Variants in PLXNA4 observed in about 807,000 individuals in gnomAD.
The protein encoded by PLXNA4 is plexin-A4.
In PLXNA4, 44 loss-of-function variants were observed where a neutral mutation model predicts 191.8. The observed-to-expected ratio is 0.23, with a 90% CI of 0.18 to 0.29. PLXNA4 has a LOEUF of 0.29. Ranked by LOEUF, PLXNA4 falls within the 10% of genes least tolerant of loss-of-function variation. The probability of loss-of-function intolerance (pLI) is 1.00; values close to 1 mark genes in which losing one functional copy is unlikely to be tolerated. For synonymous variants in PLXNA4, 1,082 were observed against 1,009.5 expected, an observed-to-expected ratio of 1.07 and a Z score of -1.36; for missense variants, 1,800 against 2,488.8, an observed-to-expected ratio of 0.72 and a Z score of 5.89.
Position 132,185,282 on chromosome 7 carries a change from C to T in PLXNA4, c.3158+17G>A, listed in dbSNP as rs377421494. 6 of 1,603,740 alleles carry T rather than the reference C, an allele frequency of 3.7e-6. No homozygotes were observed. Among genetic ancestry groups the T allele is most frequent in the Non-Finnish European group, 1.7e-6 (2 of 1,174,916 alleles). ...AGAGGTGCAGAAGCATTAAGGTCCGCTTGGGCCAGCTCCTACCTGACAATG... is the reference window on the plus strand; with the variant it reads ...AGAGGTGCAGAAGCATTAAGGTCCGTTTGGGCCAGCTCCTACCTGACAATG... On this transcript the variant is annotated intron_variant, in intron 16 of 31. Coordinates refer to ENST00000321063, the MANE Select transcript of PLXNA4 (RefSeq NM_020911.2).
intron 2 of PLXNA4, 47 bp downstream of exon 2, chr7:132,507,459 A>T (rs1798511665): frequency 1.3e-6 from 2 of 1,551,824 alleles, no homozygotes; most frequent in African/African-American, 1.4e-5. Context: ...TGGGGTTCTC[A>T]TCCTACACTC....
chr7:132,599,692 T>C (rs562476885), intron 2 of PLXNA4, among the ~76,000 whole-genome samples: 1 of 152,254 alleles, frequency 6.6e-6, no homozygotes, highest in African/African-American at 2.4e-5. Flanking sequence ...CCCTTTTTTT[T>C]TTCTTTTTTT....
chr7:132,289,049 T>C (rs79568954), intron 4 of PLXNA4, among the ~76,000 whole-genome samples: 2,145 of 152,322 alleles, frequency 0.014, 52 homozygotes, highest in African/African-American at 0.048. Flanking sequence ...TAGACCATGA[T>C]ACTACCTCCC....
At chr7:132,558,288 G>A (rs947336797) in intron 1 of PLXNA4, among the ~76,000 whole-genome samples, 3 of 152,156 alleles carry the variant, frequency 2.0e-5, no homozygotes. Flanking sequence ...AAAACAGTAT[G>A]TGCTGGAGAA....
At chr7:132,632,235 C>CAAAAAAAAAAAAAAAAAAAAAAAAAA (rs398006359) in intron 2 of PLXNA4, among the ~76,000 whole-genome samples, 1 of 78,662 alleles carries the variant, frequency 1.3e-5, no homozygotes. Context: ...GACTCCATCT[C>CAAAAAAAAAAAAAAAAAAAAAAAAAA]AAAAAAAAAA....
intron 3 of PLXNA4, among the ~76,000 whole-genome samples, chr7:132,325,250 A>T (rs1389635849): frequency 3.3e-5 from 5 of 152,182 alleles, no homozygotes; most frequent in Non-Finnish European, 7.3e-5. Context: ...GCCTCAGAGC[A>T]TTGAAGAAGC....
chr7:132,486,437 GC>G (rs1585207144), intron 3 of PLXNA4, among the ~76,000 whole-genome samples: 1 of 152,220 alleles, frequency 6.6e-6, no homozygotes, highest in East Asian at 1.9e-4. Flanking sequence ...AACAGACTCG[GC>G]AGCCCAGCCT....
rs138350826 is a variant in PLXNA4 at position 132,189,088 on chromosome 7, G to A, written c.2857-1481C>T. On this transcript the variant is annotated intron_variant, in intron 14 of 31. Coordinates refer to ENST00000321063, the MANE Select transcript of PLXNA4 (RefSeq NM_020911.2). ...AGAGAAGATTGTGCACACAGGCTTCGATGCAGGGATGGTCCTAAAGAGACA... is the reference window on the plus strand; with the variant it reads ...AGAGAAGATTGTGCACACAGGCTTCAATGCAGGGATGGTCCTAAAGAGACA... Among the ~76,000 whole-genome samples, 454 of 148,670 alleles carry A rather than the reference G, an allele frequency of 3.1e-3. 2 individuals carry two copies. Among genetic ancestry groups the A allele is most frequent in the Non-Finnish European group, 3.3e-3 (219 of 67,036 alleles).
intron 21 of PLXNA4, among the ~76,000 whole-genome samples, chr7:132,170,476 G>A (rs933440965): frequency 6.6e-6 from 1 of 152,232 alleles, no homozygotes; most frequent in Non-Finnish European, 1.5e-5. Flanking sequence ...ACATCCTCCT[G>A]CTCTACTCTT....
chr7:132,512,709 C>G (rs915051256), intron 1 of PLXNA4, among the ~76,000 whole-genome samples: 3 of 152,082 alleles, frequency 2.0e-5, no homozygotes, highest in Admixed American at 2.0e-4. Context: ...GAGCCACCAG[C>G]CCCCTGTCTC....
Position 132,507,719 on chromosome 7 carries a change from G to T in PLXNA4, c.975C>A (p.Thr325=). 1 of 1,614,192 alleles carries T rather than the reference G, an allele frequency of 6.2e-7. No homozygotes were observed. The highest frequency in any genetic ancestry group is 8.5e-7 in the Non-Finnish European group (1 of 1,180,042). Residue 325 remains threonine, a synonymous_variant, in exon 2 of 32, where the codon ACC becomes ACA. Coordinates refer to ENST00000321063, the MANE Select transcript of PLXNA4 (RefSeq NM_020911.2). Reference sequence around the variant, plus strand: ...GGTCATCATCTGGATGGACTCCAAGGGTCCTGCCAAGCACGGCCCCCGCTT... The same window carrying T: ...GGTCATCATCTGGATGGACTCCAAGTGTCCTGCCAAGCACGGCCCCCGCTT... ...LSKAGAVLGR[T]LGVHPDDDLL...
chr7:132,192,878 G>C (rs902874762), intron 14 of PLXNA4, among the ~76,000 whole-genome samples: 8 of 152,098 alleles, frequency 5.3e-5, no homozygotes, highest in Non-Finnish European at 1.2e-4. Flanking sequence ...AGAGGTTCCA[G>C]GCAGGAAGGA....
At chr7:132,259,499 AG>A (rs1799559077) in intron 4 of PLXNA4, among the ~76,000 whole-genome samples, 1 of 147,890 alleles carries the variant, frequency 6.8e-6, no homozygotes, top group African/African-American at 2.5e-5. Flanking sequence ...GAAAAGCAAA[AG>A]AAAACCAGCC....
chr7:132,436,103 T>C (rs919478663), intron 3 of PLXNA4, among the ~76,000 whole-genome samples: 2 of 152,200 alleles, frequency 1.3e-5, no homozygotes, highest in Non-Finnish European at 2.9e-5. Context: ...TGGCAACTTG[T>C]CAAAGTCACC....
At chr7:132,460,257 G>A (rs1796457546) in intron 3 of PLXNA4, among the ~76,000 whole-genome samples, 1 of 152,000 alleles carries the variant, frequency 6.6e-6, no homozygotes, top group Non-Finnish European at 1.5e-5. Flanking sequence ...ACTTTGGGAG[G>A]CTGAGGTGGG....
chr7:132,145,357 C>A, intron 28 of PLXNA4, 69 bp from the exon 29 acceptor site: 1 of 1,598,872 alleles, frequency 6.3e-7, no homozygotes, highest in South Asian at 1.1e-5. Context: ...TTAAAACCTG[C>A]CTCACAGACC....
intron 1 of PLXNA4, among the ~76,000 whole-genome samples, chr7:132,558,413 G>T (rs1800893153): frequency 6.6e-6 from 1 of 152,060 alleles, no homozygotes; most frequent in African/African-American, 2.4e-5. Context: ...TAAAACAAGA[G>T]AACTTCTATT....
At chr7:132,424,253 C>A (rs1052458701) in intron 3 of PLXNA4, among the ~76,000 whole-genome samples, 1 of 152,130 alleles carries the variant, frequency 6.6e-6, no homozygotes, top group East Asian at 1.9e-4. Context: ...TGCTGGTCTG[C>A]CCCCCGCTCC....
In PLXNA4 at chr7:132,227,438, C is replaced by G. The variant is rs1184904283; in HGVS notation, c.1882+13G>C. 2 of 1,613,978 alleles carry G rather than the reference C, an allele frequency of 1.2e-6. No individual in the cohort carries two copies. Among genetic ancestry groups the G allele is most frequent in the Middle Eastern group, 1.6e-4 (1 of 6,080 alleles). On this transcript the variant is annotated intron_variant, in intron 7 of 31. Transcript: ENST00000321063. ...GAAGAAGTGCCACTCAGCTGTGCCT[C>G]CGGGATGCTCACCATTCTCTGTGAT...
Sources: gnomAD v4.1 joint callset for allele counts (sites outside exome capture counted in the v4.1 genomes callset) on GRCh38, gnomAD v4.1.1 for gene constraint, MANE v1.5 for transcripts, NCBI Gene and HGNC (gene_info 2026-07-23, HGNC 2026-07-21) for gene names.